The following FHIT variants were observed in gnomAD, a reference collection of about 807,000 sequenced individuals.
FHIT encodes fragile histidine triad diadenosine triphosphatase.
A neutral mutation model predicts 17.9 loss-of-function variants in FHIT; 19 were observed. The ratio of observed to expected loss-of-function variants is 1.06; its 90% CI spans 0.74 to 1.56. The LOEUF is 1.56. Among genes scored for constraint, FHIT ranks in the 40% most tolerant of loss-of-function variants. The probability of loss-of-function intolerance (pLI) is 0.00; values close to 1 mark genes in which losing one functional copy is unlikely to be tolerated. For missense variants in FHIT, 248 were observed against 189.2 expected (o/e 1.31, Z -1.82); for synonymous variants, 81 against 69.7 (o/e 1.16, Z -0.81).
At chr3:59,945,598 G>T (rs922519753) in intron 7 of FHIT, among the ~76,000 whole-genome samples, 2 of 151,106 alleles carry the variant, frequency 1.3e-5, no homozygotes, top group Admixed American at 1.3e-4. Flanking sequence ...ATTTTCCAGA[G>T]ACCGTGTACA....
chr3:60,309,271 T>C (rs1708827440), intron 5 of FHIT, among the ~76,000 whole-genome samples: 1 of 152,004 alleles, frequency 6.6e-6, no homozygotes, highest in South Asian at 2.1e-4. Context: ...TAAAGTGCTG[T>C]GTAAAAACCT....
At position 59,790,872 on chromosome 3, in the gene FHIT, T is replaced by A. The variant is rs141380511; in HGVS notation, c.349-38551A>T. Among the ~76,000 whole-genome samples, 10 of 152,312 alleles carry A rather than the reference T, an allele frequency of 6.6e-5. No homozygotes were observed. The East Asian group carries it at 1.9e-3, about 29-fold the overall frequency. ...GCTAAGTAAACTTTTTTTTAATGAA[T>A]GAATGAATATTATTTTCTGAGGTCA... On this transcript the variant is annotated intron_variant, in intron 8 of 9. Coordinates refer to ENST00000492590, the MANE Select transcript of FHIT (RefSeq NM_002012.4).
chr3:60,679,122 C>G (rs545304148), intron 4 of FHIT, among the ~76,000 whole-genome samples: 1 of 152,198 alleles, frequency 6.6e-6, no homozygotes, highest in South Asian at 2.1e-4. Context: ...TTAATATTCA[C>G]AGTTCCTACA....
At chr3:60,666,963 T>A (rs530242582) in intron 4 of FHIT, among the ~76,000 whole-genome samples, 1 of 140,252 alleles carries the variant, frequency 7.1e-6, no homozygotes, top group African/African-American at 2.6e-5. Context: ...CAACCAATCC[T>A]CTCACCTCAG....
intron 4 of FHIT, among the ~76,000 whole-genome samples, chr3:60,582,591 T>G (rs1553660044): frequency 6.6e-6 from 1 of 151,802 alleles, no homozygotes. Context: ...GGGTTTCATT[T>G]CAAGACAATT....
At chr3:61,011,561 T>G (rs1041579905) in intron 3 of FHIT, among the ~76,000 whole-genome samples, 1 of 152,136 alleles carries the variant, frequency 6.6e-6, no homozygotes, top group Non-Finnish European at 1.5e-5. Context: ...TATAACTGTA[T>G]AAAGTCTTCC....
At chr3:60,992,379 C>A (rs1372964020) in intron 3 of FHIT, among the ~76,000 whole-genome samples, 1 of 152,116 alleles carries the variant, frequency 6.6e-6, no homozygotes, top group African/African-American at 2.4e-5. Flanking sequence ...TAAACTTTTA[C>A]TGATGTATGT....
chr3:60,166,781 T>C (rs1042464746), intron 5 of FHIT, among the ~76,000 whole-genome samples: 1 of 152,214 alleles, frequency 6.6e-6, no homozygotes, highest in Non-Finnish European at 1.5e-5. Flanking sequence ...CCTAACTAGA[T>C]TTCCATTTTC....
At chr3:60,588,211 C>T (rs2037967724) in intron 4 of FHIT, among the ~76,000 whole-genome samples, 4 of 152,018 alleles carry the variant, frequency 2.6e-5, no homozygotes, top group Non-Finnish European at 4.4e-5. Context: ...TCTCTCAGCC[C>T]TTAAGGCAGC....
At chr3:60,603,007 T>C (rs1255625622) in intron 4 of FHIT, among the ~76,000 whole-genome samples, 1 of 152,168 alleles carries the variant, frequency 6.6e-6, no homozygotes, top group African/African-American at 2.4e-5. Flanking sequence ...CTACCCAGTT[T>C]ATGGTATTTT....
intron 5 of FHIT, among the ~76,000 whole-genome samples, chr3:60,024,740 G>C (rs1428736153): frequency 6.6e-6 from 1 of 152,248 alleles, no homozygotes; most frequent in Non-Finnish European, 1.5e-5. Context: ...AGCTAAGGTG[G>C]CTGTGAACTA....
At chr3:60,714,685 C>T (rs1237838665) in intron 4 of FHIT, among the ~76,000 whole-genome samples, 39 of 152,176 alleles carry the variant, frequency 2.6e-4, no homozygotes, top group African/African-American at 7.7e-4. Flanking sequence ...CCATTCACAA[C>T]TGCTTCAAAG....
rs1027613136 is a variant in FHIT at position 59,764,591 on chromosome 3, T to G, written c.349-12270A>C. 2.0e-5 allele frequency among the ~76,000 whole-genome samples: 3 copies of G among 152,248 alleles called. No individual in the cohort carries two copies. The South Asian group carries it at 6.2e-4, about 32-fold the overall frequency. On this transcript the variant is annotated intron_variant, in intron 8 of 9. Transcript: ENST00000492590. ...GCCCATGTGAGTTGCACAAACAAAT[T>G]GGAGCCAACCTTTCCCAAATGCCTC...
At chr3:60,766,611 A>C (rs531536462) in intron 4 of FHIT, among the ~76,000 whole-genome samples, 1 of 152,196 alleles carries the variant, frequency 6.6e-6, no homozygotes, top group East Asian at 1.9e-4. Flanking sequence ...CTATTGTCTC[A>C]AATAAACCCA....
intron 5 of FHIT, among the ~76,000 whole-genome samples, chr3:60,118,776 G>GT (rs1470514638): frequency 5.5e-5 from 1 of 18,206 alleles, no homozygotes; most frequent in Non-Finnish European, 1.4e-4. Flanking sequence ...GGGGGCGGCG[G>GT]GGGGGGGGGG....
chr3:60,435,265 T>C (rs559461518), intron 5 of FHIT, among the ~76,000 whole-genome samples: 12 of 152,282 alleles, frequency 7.9e-5, no homozygotes, highest in Non-Finnish European at 1.6e-4. Flanking sequence ...AGTATGCAAA[T>C]AGAGCCACCA....
intron 4 of FHIT, among the ~76,000 whole-genome samples, chr3:60,593,614 G>A (rs1275821626): frequency 6.6e-6 from 1 of 152,076 alleles, no homozygotes; most frequent in Non-Finnish European, 1.5e-5. Context: ...TGTTATAGTC[G>A]TATGTTAACT....
chr3:60,350,558 A>AC (rs1711035269), intron 5 of FHIT, among the ~76,000 whole-genome samples: 1 of 152,156 alleles, frequency 6.6e-6, no homozygotes. Context: ...AGATGATGTC[A>AC]CCTTTGTTCC....
chr3:60,528,602 GCTTGA>G (rs2035660030), intron 5 of FHIT, among the ~76,000 whole-genome samples: 1 of 152,114 alleles, frequency 6.6e-6, no homozygotes, highest in Non-Finnish European at 1.5e-5. Flanking sequence ...CTACAACTAT[GCTTGA>G]CTTAATTGGT....
Sources: gnomAD v4.1 joint callset for allele counts (sites outside exome capture counted in the v4.1 genomes callset) on GRCh38, gnomAD v4.1.1 for gene constraint, MANE v1.5 for transcripts, NCBI Gene and HGNC (gene_info 2026-07-23, HGNC 2026-07-21) for gene names.